MAML2: variants seen among roughly 807,000 people sequenced by gnomAD.
MAML2 encodes the protein mastermind like transcriptional coactivator 2, also known as mastermind-like protein 2.
Under a neutral mutation model 96.1 loss-of-function variants are expected in MAML2, and 22 were observed. The observed-to-expected ratio is 0.23, with a 90% CI of 0.16 to 0.33. MAML2 has a LOEUF of 0.33. Among genes scored for constraint, MAML2 ranks in the 10% least tolerant of loss-of-function variants. MAML2 has a pLI of 1.00. For missense variants in MAML2, 1,367 were observed against 1,392.4 expected (o/e 0.98, Z 0.29); for synonymous variants, 561 against 521.3 (o/e 1.08, Z -1.04).
At chr11:96,155,722 C>T (rs1434001734) in intron 1 of MAML2, among the ~76,000 whole-genome samples, 1 of 151,362 alleles carries the variant, frequency 6.6e-6, no homozygotes. Flanking sequence ...CCCTGCCCCG[C>T]CCCTCCTGCT....
chr11:96,034,768 G>A (rs1858685688), intron 2 of MAML2, among the ~76,000 whole-genome samples: 1 of 152,068 alleles, frequency 6.6e-6, no homozygotes, highest in Admixed American at 6.6e-5. Context: ...TCTGAGCACT[G>A]GACTCAGACT....
At chr11:96,323,917 G>A (rs1029837462) in intron 1 of MAML2, among the ~76,000 whole-genome samples, 5 of 152,226 alleles carry the variant, frequency 3.3e-5, no homozygotes, top group African/African-American at 1.2e-4. Flanking sequence ...TAGGCTCTAC[G>A]TGTTCAAGCA....
intron 2 of MAML2, among the ~76,000 whole-genome samples, chr11:96,088,639 T>C (rs1208645039): frequency 6.6e-6 from 1 of 152,166 alleles, no homozygotes; most frequent in Non-Finnish European, 1.5e-5. Context: ...GCTATAGACA[T>C]TTTGTAAAAC....
chr11:96,147,648 C>T (rs372326866), intron 1 of MAML2, among the ~76,000 whole-genome samples: 7 of 152,344 alleles, frequency 4.6e-5, no homozygotes, highest in African/African-American at 1.7e-4. Context: ...TTAACTAAAA[C>T]TTTCCTTTTT....
At chr11:96,247,409 C>A (rs920822470) in intron 1 of MAML2, among the ~76,000 whole-genome samples, 3 of 152,044 alleles carry the variant, frequency 2.0e-5, no homozygotes, top group Non-Finnish European at 4.4e-5. Flanking sequence ...TATATCCCCA[C>A]CCCAACCCAC....
intron 1 of MAML2, among the ~76,000 whole-genome samples, chr11:96,315,518 A>T (rs1226231542): frequency 6.6e-6 from 1 of 152,182 alleles, no homozygotes; most frequent in African/African-American, 2.4e-5. Context: ...AATTTAAACT[A>T]GTCCTAGGAT....
chr11:96,053,938 G>C (rs953312970), intron 2 of MAML2, among the ~76,000 whole-genome samples: 6 of 152,056 alleles, frequency 3.9e-5, no homozygotes, highest in African/African-American at 1.4e-4. Flanking sequence ...AATGGAAATG[G>C]AGCTGACAAC....
chr11:96,118,334 G>T (rs1472357960), intron 1 of MAML2, among the ~76,000 whole-genome samples: 1 of 152,118 alleles, frequency 6.6e-6, no homozygotes, highest in African/African-American at 2.4e-5. Flanking sequence ...GATCATGGGG[G>T]CATTTTCCCC....
chr11:96,085,196 T>G (rs1859590199), intron 2 of MAML2, among the ~76,000 whole-genome samples: 1 of 152,118 alleles, frequency 6.6e-6, no homozygotes, highest in Non-Finnish European at 1.5e-5. Flanking sequence ...TTAAGTTTGG[T>G]TTCTCCTGCT....
At chr11:96,059,380 C>G (rs540509091) in intron 2 of MAML2, among the ~76,000 whole-genome samples, 1 of 152,312 alleles carries the variant, frequency 6.6e-6, no homozygotes, top group African/African-American at 2.4e-5. Context: ...TGGATTGTAG[C>G]TCATTCCTTG....
intron 1 of MAML2, among the ~76,000 whole-genome samples, chr11:96,254,407 T>C (rs76361349): frequency 6.8e-6 from 1 of 147,784 alleles, no homozygotes; most frequent in African/African-American, 2.6e-5. Flanking sequence ...TTTTTTTTTT[T>C]TGAACATGTA....
Position 96,341,832 on chromosome 11 carries a change from G to T in MAML2, c.64C>A (p.Leu22Ile), listed in dbSNP as rs1269789754. Residue 22 changes from leucine (L) to isoleucine (I), a missense_variant, in exon 1 of 5, where the codon CTC (leucine) becomes ATC (isoleucine). Physicochemically the swap from Leu to Ile is conservative, Grantham distance 5 (BLOSUM62 2). Coordinates refer to ENST00000524717, the MANE Select transcript of MAML2 (RefSeq NM_032427.4). ...GGLGGASGAG[L>I]LGGGSVTPRV... ...GGGGTGACTGAGCCCCCTCCAAGGAGCCCCGCCCCAGAGGCCCCCCCTAGC... is the reference window on the plus strand; with the variant it reads ...GGGGTGACTGAGCCCCCTCCAAGGATCCCCGCCCCAGAGGCCCCCCCTAGC... 4 of 1,580,772 alleles carry T rather than the reference G, an allele frequency of 2.5e-6. No individual in the cohort carries two copies. The highest frequency in any genetic ancestry group is 2.7e-5 in the African/African-American group (2 of 74,336).
chr11:96,106,057 A>T (rs1222451088), intron 1 of MAML2, among the ~76,000 whole-genome samples: 8 of 152,184 alleles, frequency 5.3e-5, no homozygotes, highest in Non-Finnish European at 5.9e-5. Flanking sequence ...GATTATTTAA[A>T]TGACGTTAGG....
At chr11:96,302,073 G>A (rs1285071687) in intron 1 of MAML2, among the ~76,000 whole-genome samples, 4 of 152,110 alleles carry the variant, frequency 2.6e-5, no homozygotes, top group Non-Finnish European at 5.9e-5. Flanking sequence ...AGCCCTATCA[G>A]TTCTTTCCAT....
chr11:96,285,506 G>T (rs1863126324), intron 1 of MAML2, among the ~76,000 whole-genome samples: 1 of 152,134 alleles, frequency 6.6e-6, no homozygotes, highest in South Asian at 2.1e-4. Flanking sequence ...CTTCCGTGCA[G>T]CAAAAGAAAC....
At chr11:96,186,316 G>A (rs1861574587) in intron 1 of MAML2, among the ~76,000 whole-genome samples, 1 of 152,250 alleles carries the variant, frequency 6.6e-6, no homozygotes, top group Non-Finnish European at 1.5e-5. Context: ...AAGGCCGGGT[G>A]CAGTGGCTCA....
chr11:96,207,900 A>C (rs900390458), intron 1 of MAML2, among the ~76,000 whole-genome samples: 2 of 152,114 alleles, frequency 1.3e-5, no homozygotes, highest in African/African-American at 4.8e-5. Flanking sequence ...CCAACAAAGA[A>C]CTTTTTTTTA....
intron 1 of MAML2, among the ~76,000 whole-genome samples, chr11:96,304,538 C>G (rs1187905637): frequency 6.6e-6 from 1 of 152,160 alleles, no homozygotes; most frequent in African/African-American, 2.4e-5. Flanking sequence ...GTCCCCCGAT[C>G]CAGCCAATAC....
In MAML2 at chr11:96,067,531, G is replaced by A. The variant is rs142240085; in HGVS notation, c.2139+24361C>T. Among the ~76,000 whole-genome samples the A allele has an allele frequency of 4.0e-3, 614 of 151,842 alleles. 5 individuals are homozygous for A. Among genetic ancestry groups the A allele is most frequent in the African/African-American group, 0.014 (582 of 41,400 alleles). ...TTATCACATGATCTTCTTACTCTAT[G>A]CAGGATAAGTCAAGACCCAACAAAT... On this transcript the variant is annotated intron_variant, in intron 2 of 4. Coordinates refer to ENST00000524717, the MANE Select transcript of MAML2 (RefSeq NM_032427.4).
Sources: allele counts gnomAD v4.1 joint callset (sites outside exome capture counted in the v4.1 genomes callset), GRCh38; gene constraint gnomAD v4.1.1; transcripts MANE v1.5; gene names NCBI Gene and HGNC (gene_info 2026-07-23, HGNC 2026-07-21).